GNAO1: variants seen among roughly 807,000 people sequenced by gnomAD.
The protein encoded by GNAO1 is G protein subunit alpha o1.
For synonymous variants in GNAO1, 164 were observed against 180.7 expected (o/e 0.91, Z 0.74); for missense variants, 166 against 478.7 (o/e 0.35, Z 6.10).
chr16:56,342,330 C>G (rs2037814257), intron 6 of GNAO1, among the ~76,000 whole-genome samples: 1 of 152,194 alleles, frequency 6.6e-6, no homozygotes, highest in Admixed American at 6.5e-5. Flanking sequence ...GGCAGGCCCT[C>G]CAGGCTTTCT....
chr16:56,210,443 G>T (rs543346924), intron 2 of GNAO1, among the ~76,000 whole-genome samples: 2 of 152,322 alleles, frequency 1.3e-5, no homozygotes, highest in East Asian at 3.9e-4. Context: ...GAGCACAATT[G>T]CTGGATTGTG....
chr16:56,313,890 C>A (rs897324044), intron 3 of GNAO1, among the ~76,000 whole-genome samples: 1 of 152,278 alleles, frequency 6.6e-6, no homozygotes, highest in Admixed American at 6.5e-5. Flanking sequence ...AGGGGGCCAC[C>A]ATGCCTGGCT....
At chr16:56,286,915 C>T (rs1397313180) in intron 3 of GNAO1, among the ~76,000 whole-genome samples, 1 of 152,044 alleles carries the variant, frequency 6.6e-6, no homozygotes, top group Admixed American at 6.5e-5. Context: ...ACCAGCCGCC[C>T]ACAGATCTCT....
intron 2 of GNAO1, chr16:56,194,473 C>G (rs893947952): frequency 2.9e-6 from 1 of 340,774 alleles, no homozygotes; most frequent in African/African-American, 2.1e-5. Context: ...AGGTTTCAGG[C>G]GTTGCAAGTG....
At chr16:56,293,790 C>T (rs2037256282) in intron 3 of GNAO1, among the ~76,000 whole-genome samples, 1 of 152,110 alleles carries the variant, frequency 6.6e-6, no homozygotes, top group Non-Finnish European at 1.5e-5. Context: ...GGTTTGGGAA[C>T]GTTGCCTGGG....
intron 6 of GNAO1, chr16:56,344,479 C>T (rs1000093696): frequency 4.1e-5 from 41 of 990,192 alleles, no homozygotes; most frequent in Admixed American, 1.7e-4. Context: ...CAGGCCTTGG[C>T]GATGGCCTCC....
Position 56,354,933 on chromosome 16 carries a change from C to A in GNAO1, c.945C>A (p.Pro315=), listed in dbSNP as rs2037954123. The A allele has an allele frequency of 6.2e-7, 1 of 1,613,078 alleles. No homozygotes were observed. Among genetic ancestry groups the A allele is most frequent in the South Asian group, 1.1e-5 (1 of 91,076 alleles). ...AATTTGAAAGCAAAAACCGCTCACC[C>A]AACAAAGAAATATATTGTCACATGA... is the stretch of plus-strand genomic sequence containing the variant. ...QAQFESKNRS[P]NKEIYCHMTC... Residue 315 remains proline, a synonymous_variant, in exon 8 of 9, where the codon CCC becomes CCA. Coordinates refer to ENST00000262493, the MANE Select transcript of GNAO1 (RefSeq NM_020988.3). The surrounding 1 kb of genome is among the most constrained non-coding windows in gnomAD (Gnocchi z 4.3).
intron 2 of GNAO1, among the ~76,000 whole-genome samples, chr16:56,256,714 CTCTCTGTGTGTGTGTGTGTGTGTGTGTG>C (rs1405981793): frequency 8.1e-6 from 1 of 123,398 alleles, no homozygotes; most frequent in Non-Finnish European, 1.7e-5. Flanking sequence ...CTCTCTCTCT[CTCTCTGTGTGTGTGTGTGTGTGTGTGTG>C]TGTGTGTGTG....
At chr16:56,227,231 C>T (rs778381069) in intron 2 of GNAO1, among the ~76,000 whole-genome samples, 2 of 152,234 alleles carry the variant, frequency 1.3e-5, no homozygotes, top group African/African-American at 2.4e-5. Flanking sequence ...CCCGCCACTG[C>T]TCCTGGCCTC....
At chr16:56,325,116 C>G (rs1483060597) in intron 3 of GNAO1, among the ~76,000 whole-genome samples, 2 of 152,234 alleles carry the variant, frequency 1.3e-5, no homozygotes, top group African/African-American at 2.4e-5. Flanking sequence ...CAGTCAGTCT[C>G]TCTCCTCCGG....
chr16:56,343,619 A>G, intron 6 of GNAO1: 1 of 614,188 alleles, frequency 1.6e-6, no homozygotes, highest in African/African-American at 1.8e-5. Flanking sequence ...CTGACCCCTC[A>G]GGTCCCCTCC....
At chr16:56,315,840 G>A (rs369331593) in intron 3 of GNAO1, among the ~76,000 whole-genome samples, 14 of 151,784 alleles carry the variant, frequency 9.2e-5, no homozygotes, top group Middle Eastern at 3.4e-3. Flanking sequence ...TCAGGAGTTC[G>A]AGACCAGCCT....
chr16:56,195,269 G>A (rs72814427), intron 2 of GNAO1, among the ~76,000 whole-genome samples: 3,113 of 152,230 alleles, frequency 0.02, 47 homozygotes, highest in Middle Eastern at 0.034. Context: ...GGACCCTGGC[G>A]TCCTGTCCTC....
intron 3 of GNAO1, among the ~76,000 whole-genome samples, chr16:56,277,456 T>C (rs181835593): frequency 2.2e-4 from 34 of 152,302 alleles, no homozygotes; most frequent in Non-Finnish European, 3.5e-4. Context: ...TGGTGTCTGG[T>C]TGCAGAAAAC....
chr16:56,252,748 CT>C (rs1378939338), intron 2 of GNAO1, among the ~76,000 whole-genome samples: 1 of 152,218 alleles, frequency 6.6e-6, no homozygotes, highest in Non-Finnish European at 1.5e-5. Flanking sequence ...GTAGACCCTT[CT>C]CCCCTCCCAA....
Position 56,354,504 on chromosome 16 carries a change from C to T in GNAO1, c.878-362C>T, listed in dbSNP as rs188435532. On this transcript the variant is annotated intron_variant, in intron 7 of 8. Transcript: ENST00000262493. This position sits in a 1 kb window ranked among gnomAD's most constrained non-coding sequence, Gnocchi z 4.3. ...CAACCTGGCCAACATGGTGAAACCC[C>T]GTCTCTACTAAAAATACAAAAATTA... Among the ~76,000 whole-genome samples, 483 of 152,084 alleles carry T rather than the reference C, an allele frequency of 3.2e-3. 3 individuals carry two copies. Among genetic ancestry groups the T allele is most frequent in the African/African-American group, 0.011 (449 of 41,492 alleles).
At chr16:56,310,810 T>G (rs886500170) in intron 3 of GNAO1, among the ~76,000 whole-genome samples, 11 of 152,084 alleles carry the variant, frequency 7.2e-5, no homozygotes, top group Non-Finnish European at 1.5e-4. Context: ...CATCTACTAG[T>G]CTGGGGCAGG....
At chr16:56,269,584 C>T (rs963885358) in intron 2 of GNAO1, among the ~76,000 whole-genome samples, 5 of 152,180 alleles carry the variant, frequency 3.3e-5, no homozygotes, top group African/African-American at 9.7e-5. Context: ...AACAAGCACC[C>T]GGTCTCAGCT....
At chr16:56,285,041 G>T (rs572323958) in intron 3 of GNAO1, among the ~76,000 whole-genome samples, 1 of 152,322 alleles carries the variant, frequency 6.6e-6, no homozygotes, top group South Asian at 2.1e-4. Flanking sequence ...ATCTGGCCTG[G>T]CCTGCCTTCT....
Sources: gnomAD v4.1 joint callset for allele counts (sites outside exome capture counted in the v4.1 genomes callset) on GRCh38, gnomAD v4.1.1 for gene constraint, Gnocchi (gnomAD v3.1) non-coding constraint, MANE v1.5 for transcripts, NCBI Gene and HGNC (gene_info 2026-07-23, HGNC 2026-07-21) for gene names.